Variants in PLA2R1 observed in about 807,000 individuals in gnomAD.
PLA2R1 encodes the protein secretory phospholipase A2 receptor.
PLA2R1 carries 158 observed loss-of-function variants against 195.9 expected under a neutral mutation model. The ratio of observed to expected loss-of-function variants is 0.81; its 90% CI spans 0.71 to 0.92. PLA2R1 has a LOEUF of 0.92. Ranked by LOEUF, PLA2R1 falls within the 40% of genes least tolerant of loss-of-function variation. The pLI, the probability that PLA2R1 is intolerant of heterozygous loss-of-function variation, is 0.00. For synonymous variants in PLA2R1, 586 were observed against 598.2 expected (o/e 0.98, Z 0.30); for missense variants, 1,626 against 1,764.6 (o/e 0.92, Z 1.41).
chr2:160,039,412 C>T (rs755527138), intron 3 of PLA2R1, among the ~76,000 whole-genome samples: 16 of 152,094 alleles, frequency 1.1e-4, no homozygotes, highest in Admixed American at 1.3e-4. Flanking sequence ...ACATCCTTCA[C>T]CGCTAGTATA....
At chr2:160,031,590 A>G (rs1255528106) in intron 4 of PLA2R1, among the ~76,000 whole-genome samples, 1 of 152,162 alleles carries the variant, frequency 6.6e-6, no homozygotes, top group African/African-American at 2.4e-5. Context: ...AGAAGGGGAA[A>G]TTGAGGCACA....
chr2:159,953,704 T>C (rs985710458), intron 23 of PLA2R1, among the ~76,000 whole-genome samples: 6 of 152,210 alleles, frequency 3.9e-5, no homozygotes, highest in Non-Finnish European at 8.8e-5. Context: ...AAATCTACAC[T>C]GTTAGTCCCA....
chr2:160,045,817 C>T (rs1457334072), intron 1 of PLA2R1, among the ~76,000 whole-genome samples: 6 of 152,126 alleles, frequency 3.9e-5, no homozygotes, highest in Non-Finnish European at 7.4e-5. Flanking sequence ...CAGGTAGATG[C>T]CCAGGCCACT....
In PLA2R1 at chr2:160,022,813, C is replaced by T; in HGVS notation, c.1146G>A (p.Trp382Ter). The T allele has an allele frequency of 1.2e-6, 2 of 1,613,412 alleles. No individual in the cohort carries two copies. Among genetic ancestry groups the T allele is most frequent in the Non-Finnish European group, 1.7e-6 (2 of 1,179,566 alleles). ...KYYATHCEPGWNPYNRNCYKL... is the reference protein window; with the variant it reads ...KYYATHCEPG ...TGTAGCAATTACGATTGTAGGGATT[C>T]CAGCCAGGCTCACAGTGGGTAGCAT... The change falls in exon 7 of 30, where the codon TGG becomes TGA. Residue 382 changes from tryptophan (W) to a stop codon, truncating the protein, a stop_gained. Coordinates refer to ENST00000283243, the MANE Select transcript of PLA2R1 (RefSeq NM_007366.5). LOFTEE classifies it high-confidence loss of function.
chr2:160,062,090 A>G (rs17241973), intron 1 of PLA2R1, among the ~76,000 whole-genome samples: 45,765 of 151,236 alleles, frequency 0.3, 8,694 homozygotes, highest in Non-Finnish European at 0.42. Flanking sequence ...CGGGCCGCGC[A>G]AGTGGGGTGC....
intron 17 of PLA2R1, among the ~76,000 whole-genome samples, chr2:159,971,289 T>G (rs1465656072): frequency 6.6e-6 from 1 of 152,218 alleles, no homozygotes; most frequent in Non-Finnish European, 1.5e-5. Context: ...TTAGTAATGT[T>G]GTAGTGTTCA....
rs145186109 is a variant in PLA2R1 at position 159,966,458 on chromosome 2, T to C, written c.2904+1081A>G. On this transcript the variant is annotated intron_variant, in intron 20 of 29. Coordinates refer to ENST00000283243, the MANE Select transcript of PLA2R1 (RefSeq NM_007366.5). ...AAGATGGAAAAGGTCTGGAGATTTG[T>C]TGAATGACAGTGTGAGTATGTGATA... Among the ~76,000 whole-genome samples the C allele has an allele frequency of 7.2e-5, 11 of 152,310 alleles. No homozygotes were observed. The East Asian group carries it at 1.9e-3, about 27-fold the overall frequency.
chr2:160,013,740 T>C (rs1440001522), intron 9 of PLA2R1, among the ~76,000 whole-genome samples: 2 of 141,076 alleles, frequency 1.4e-5, no homozygotes, highest in East Asian at 4.0e-4. Context: ...TGTGTGTGTG[T>C]GTGTGTGTGT....
Position 160,042,082 on chromosome 2 carries a change from A to G in PLA2R1, c.610T>C (p.Cys204Arg), listed in dbSNP as rs748317080. ...REGREDDLLW[C>R]ATTSRYERDE... ...CTTTCATAACGGCTTGTCGTGGCAC[A>G]CCACAGTAAGTCATCTTCCCGACCT... The change falls in exon 3 of 30, where the codon TGT becomes CGT. Residue 204 changes from cysteine to arginine, a missense_variant. Coordinates refer to ENST00000283243, the MANE Select transcript of PLA2R1 (RefSeq NM_007366.5). 7.4e-6 allele frequency: 12 copies of G among 1,614,204 alleles called. No individual in the cohort carries two copies. Among genetic ancestry groups the G allele is most frequent in the Non-Finnish European group, 1.0e-5 (12 of 1,180,012 alleles).
intron 6 of PLA2R1, among the ~76,000 whole-genome samples, chr2:160,023,812 G>A (rs1033635429): frequency 3.3e-5 from 5 of 152,304 alleles, no homozygotes; most frequent in African/African-American, 1.2e-4. Flanking sequence ...TTTCACGAAG[G>A]CAGCTGAAGG....
intron 11 of PLA2R1, among the ~76,000 whole-genome samples, chr2:159,988,533 T>C (rs980561419): frequency 5.3e-5 from 8 of 152,220 alleles, no homozygotes; most frequent in Non-Finnish European, 1.2e-4. Context: ...TGTCCAGAGA[T>C]GTCAGTAAAA....
rs761785732 is a variant in PLA2R1 at position 159,955,813 on chromosome 2, T to C, written c.3038A>G (p.Asn1013Ser). 4 of 1,598,632 alleles carry C rather than the reference T, an allele frequency of 2.5e-6. No individual in the cohort carries two copies. Among genetic ancestry groups the C allele is most frequent in the Middle Eastern group, 3.7e-4 (2 of 5,348 alleles). Residue 1013 changes from asparagine (N) to serine (S), a missense_variant, in exon 22 of 30, where the codon AAT becomes AGT. Transcript: ENST00000283243. ...CACACTGGTGGTCTGGCCAAAAAGA[T>C]TCATAGTAATGAAAGCTGAAAAACA... ...SEVEQAFITM[N>S]LFGQTTSVWI...
intron 11 of PLA2R1, among the ~76,000 whole-genome samples, chr2:159,996,434 T>G (rs1691216447): frequency 6.6e-6 from 1 of 152,144 alleles, no homozygotes. Context: ...CCTCTAAAGA[T>G]AAGGTGTTTT....
rs1432477539 is a variant in PLA2R1, at chr2:159,996,586, ATTAAC to A, written c.1834+9061_1834+9065del. ...CTGGATCTGTGGTTTGGTGTCTGAT[ATTAAC>A]TTGGGGGAAATTCTCAGTTATTATT... On this transcript the variant is annotated intron_variant, in intron 11 of 29. Transcript: ENST00000283243. Among the ~76,000 whole-genome samples the A allele has an allele frequency of 3.3e-5, 5 of 152,068 alleles. 1 individual carries two copies. The highest frequency in any genetic ancestry group is 1.2e-4 in the African/African-American group (5 of 41,422).
At chr2:160,045,457 G>A (rs1363943538) in intron 1 of PLA2R1, among the ~76,000 whole-genome samples, 1 of 152,224 alleles carries the variant, frequency 6.6e-6, no homozygotes, top group African/African-American at 2.4e-5. Context: ...GACAGAGAAG[G>A]TGTGCTCACA....
intron 2 of PLA2R1, among the ~76,000 whole-genome samples, chr2:160,043,660 C>T (rs545626970): frequency 7.4e-4 from 112 of 152,282 alleles, no homozygotes; most frequent in Non-Finnish European, 1.4e-3. Context: ...CCAGAATCTT[C>T]CCCTGCATGC....
chr2:159,943,591 A>T (rs2063440), intron 28 of PLA2R1, among the ~76,000 whole-genome samples: 5 of 151,640 alleles, frequency 3.3e-5, no homozygotes, highest in Non-Finnish European at 1.5e-5. Flanking sequence ...ATGTAGCCTC[A>T]GTTTGCACAG....
intron 20 of PLA2R1, among the ~76,000 whole-genome samples, chr2:159,966,788 G>A (rs1285157995): frequency 6.6e-6 from 1 of 152,138 alleles, no homozygotes; most frequent in Non-Finnish European, 1.5e-5. Flanking sequence ...TTTTCTAAGA[G>A]TTAAACAATT....
At chr2:159,972,529 A>G (rs955033181) in intron 17 of PLA2R1, among the ~76,000 whole-genome samples, 1 of 152,248 alleles carries the variant, frequency 6.6e-6, no homozygotes, top group Non-Finnish European at 1.5e-5. Context: ...TAATCCATAA[A>G]GCAATATAAG....
Sources: gnomAD v4.1 joint callset for allele counts (sites outside exome capture counted in the v4.1 genomes callset) on GRCh38, gnomAD v4.1.1 for gene constraint, MANE v1.5 for transcripts, NCBI Gene and HGNC (gene_info 2026-07-23, HGNC 2026-07-21) for gene names.